NRG3: variants seen among roughly 807,000 people sequenced by gnomAD.
NRG3 encodes the protein pro-neuregulin-3, membrane-bound isoform.
In NRG3, 31 loss-of-function variants were observed where a neutral mutation model predicts 66.9. That is an observed-to-expected ratio of 0.46 (90% CI 0.35 to 0.63). The LOEUF is 0.63. Among genes scored for constraint, NRG3 ranks in the 20% least tolerant of loss-of-function variants. The pLI is 0.00. For synonymous variants in NRG3, 393 were observed against 359.4 expected (o/e 1.09, Z -1.06); for missense variants, 910 against 878.9 (o/e 1.04, Z -0.45).
chr10:82,072,398 A>T lies in NRG3; in HGVS notation c.823+196235A>T, dbSNP rs542349797. ...ATGGTTCCCATCTACTTCAGTAACC[A>T]GTAAATGTTAGAAGCCGCATATTTA... is the stretch of plus-strand genomic sequence containing the variant. On this transcript the variant is annotated intron_variant, in intron 1 of 8. Coordinates refer to ENST00000372141, the MANE Select transcript of NRG3 (RefSeq NM_001010848.4). 1.9e-4 allele frequency among the ~76,000 whole-genome samples: 29 copies of T among 152,358 alleles called. No homozygotes were observed. The South Asian group carries it at 6.0e-3, about 32-fold the overall frequency.
At chr10:82,539,479 G>C (rs1329631826) in intron 2 of NRG3, among the ~76,000 whole-genome samples, 1 of 152,118 alleles carries the variant, frequency 6.6e-6, no homozygotes, top group South Asian at 2.1e-4. Flanking sequence ...TGTCTACTGT[G>C]CCAGGGACAT....
chr10:82,981,429 A>C (rs1460765428), intron 8 of NRG3, among the ~76,000 whole-genome samples: 1 of 152,122 alleles, frequency 6.6e-6, no homozygotes, highest in Non-Finnish European at 1.5e-5. Context: ...AAAAACAGCC[A>C]TTTTCCACTC....
chr10:82,187,724 T>C (rs1034366557), intron 1 of NRG3, among the ~76,000 whole-genome samples: 40 of 152,200 alleles, frequency 2.6e-4, no homozygotes, highest in African/African-American at 9.4e-4. Context: ...TTGTGAAGAG[T>C]GGCTGGGCCA....
intron 2 of NRG3, among the ~76,000 whole-genome samples, chr10:82,467,811 C>A (rs1172258275): frequency 3.3e-5 from 5 of 152,162 alleles, no homozygotes; most frequent in Non-Finnish European, 7.4e-5. Flanking sequence ...ATTTGATTTT[C>A]TTTCCTCCTT....
intron 1 of NRG3, among the ~76,000 whole-genome samples, chr10:82,027,165 A>G (rs1271717240): frequency 6.6e-6 from 1 of 152,132 alleles, no homozygotes; most frequent in Non-Finnish European, 1.5e-5. Context: ...TTTGTAAATC[A>G]TGCAATAATT....
intron 3 of NRG3, among the ~76,000 whole-genome samples, chr10:82,788,982 T>C (rs1270748825): frequency 6.6e-6 from 1 of 152,154 alleles, no homozygotes; most frequent in Non-Finnish European, 1.5e-5. Flanking sequence ...TGAACATTCA[T>C]GTACAAGTTT....
chr10:82,398,471 T>C (rs540986052), intron 2 of NRG3, among the ~76,000 whole-genome samples: 1 of 151,478 alleles, frequency 6.6e-6, no homozygotes, highest in Admixed American at 6.6e-5. Flanking sequence ...TGGGATCTTC[T>C]AGTCATCTTG....
chr10:82,180,829 C>A (rs1249777335), intron 1 of NRG3, among the ~76,000 whole-genome samples: 1 of 151,794 alleles, frequency 6.6e-6, no homozygotes, highest in Non-Finnish European at 1.5e-5. Flanking sequence ...GTTGTTAATT[C>A]CTCTTTAAGT....
At chr10:82,235,769 G>A (rs1308602333) in intron 1 of NRG3, among the ~76,000 whole-genome samples, 5 of 152,144 alleles carry the variant, frequency 3.3e-5, no homozygotes, top group Non-Finnish European at 5.9e-5. Flanking sequence ...TAGGCTCTGA[G>A]CTGCATACTA....
At chr10:82,689,227 T>C (rs1043197654) in intron 2 of NRG3, among the ~76,000 whole-genome samples, 2 of 152,176 alleles carry the variant, frequency 1.3e-5, no homozygotes, top group African/African-American at 4.8e-5. Flanking sequence ...GTAAAAATGT[T>C]ATCTTCCAGT....
intron 2 of NRG3, among the ~76,000 whole-genome samples, chr10:82,418,599 T>TTTTA (rs1447830916): frequency 6.6e-6 from 1 of 152,056 alleles, no homozygotes; most frequent in South Asian, 2.1e-4. Flanking sequence ...GTGTAAAGAC[T>TTTTA]TTTATTTATT....
At position 82,947,837 on chromosome 10, in the gene NRG3, T is replaced by C. The variant is rs375585233; in HGVS notation, c.1055-3632T>C. Among the ~76,000 whole-genome samples, 10 of 152,210 alleles carry C rather than the reference T, an allele frequency of 6.6e-5. No homozygotes were observed. In the East Asian group the frequency reaches 1.3e-3, roughly 21 times the overall value. On this transcript the variant is annotated intron_variant, in intron 4 of 8. Transcript: ENST00000372141. ...AGATACAAGTCCATTGTTGAATACA[T>C]ATTTTGCAATTTTTTCAGACTGTAT...
At chr10:81,961,462 G>A (rs1236701006) in intron 1 of NRG3, among the ~76,000 whole-genome samples, 1 of 110,350 alleles carries the variant, frequency 9.1e-6, no homozygotes, top group Non-Finnish European at 1.8e-5. Context: ...TAGAATATTT[G>A]TTTGCTGAAT....
intron 1 of NRG3, among the ~76,000 whole-genome samples, chr10:82,041,503 C>A (rs57300155): frequency 0.047 from 7,217 of 151,988 alleles, 593 homozygotes; most frequent in African/African-American, 0.17. Flanking sequence ...TAATTGCTTG[C>A]ATACTGCCCA....
chr10:82,220,181 C>G (rs546910905), intron 1 of NRG3, among the ~76,000 whole-genome samples: 1 of 128,352 alleles, frequency 7.8e-6, no homozygotes, highest in Admixed American at 7.9e-5. Flanking sequence ...GGGCATGTAT[C>G]TTTACTGTGT....
chr10:82,041,329 C>G (rs962901621), intron 1 of NRG3, among the ~76,000 whole-genome samples: 2 of 151,958 alleles, frequency 1.3e-5, no homozygotes, highest in African/African-American at 4.8e-5. Flanking sequence ...CTTTTAATAC[C>G]TTACTTCTCC....
intron 2 of NRG3, among the ~76,000 whole-genome samples, chr10:82,714,143 A>T (rs553346381): frequency 6.6e-6 from 1 of 152,312 alleles, no homozygotes; most frequent in African/African-American, 2.4e-5. Context: ...ACTATGTACA[A>T]TCTGATGTTT....
rs181872518 is a variant in NRG3, at chr10:81,938,143, A to T, written c.823+61980A>T. Among the ~76,000 whole-genome samples the T allele has an allele frequency of 3.2e-4, 48 of 152,080 alleles. 1 individual carries two copies. The highest frequency in any genetic ancestry group is 2.8e-3 in the Admixed American group (42 of 15,254). Reference sequence around the variant, plus strand: ...CTGTTTTGATTAGTGTAGCCTGGTAATATGTTTTGAAATCAGGAATCATGA... The same window carrying T: ...CTGTTTTGATTAGTGTAGCCTGGTATTATGTTTTGAAATCAGGAATCATGA... On this transcript the variant is annotated intron_variant, in intron 1 of 8. Transcript: ENST00000372141.
intron 2 of NRG3, among the ~76,000 whole-genome samples, chr10:82,648,230 C>T (rs1409233746): frequency 2.6e-5 from 4 of 152,126 alleles, no homozygotes; most frequent in African/African-American, 9.7e-5. Flanking sequence ...TATGGCTAGC[C>T]AGTTTTCCCA....
Sources: gnomAD v4.1 joint callset for allele counts (sites outside exome capture counted in the v4.1 genomes callset) on GRCh38, gnomAD v4.1.1 for gene constraint, MANE v1.5 for transcripts, NCBI Gene and HGNC (gene_info 2026-07-23, HGNC 2026-07-21) for gene names.